Variants in RBM6 observed in about 807,000 individuals in gnomAD.
RBM6 encodes RNA binding motif protein 6, also known as RNA-binding protein 6.
RBM6 carries 23 observed loss-of-function variants against 140.4 expected under a neutral mutation model. That is an observed-to-expected ratio of 0.16 (90% CI 0.12 to 0.23). The LOEUF (loss-of-function observed/expected upper bound fraction) is 0.23, where lower values mean the gene tolerates loss of function less well. Ranked by LOEUF, RBM6 falls within the 10% of genes least tolerant of loss-of-function variation. The probability of loss-of-function intolerance (pLI) is 1.00; values close to 1 mark genes in which losing one functional copy is unlikely to be tolerated. For missense variants in RBM6, 1,139 were observed against 1,386.7 expected, an observed-to-expected ratio of 0.82 and a Z score of 2.84; for synonymous variants, 439 against 475.6, an observed-to-expected ratio of 0.92 and a Z score of 1.00.
intron 11 of RBM6, chr3:50,060,685 C>T (rs992582708): frequency 8.9e-5 from 20 of 225,824 alleles, no homozygotes; most frequent in South Asian, 4.1e-4. Context: ...ACCCAGGAGG[C>T]GGAGCTTGCA....
chr3:49,974,879 G>T (rs923562275), intron 4 of RBM6, among the ~76,000 whole-genome samples: 4 of 151,142 alleles, frequency 2.6e-5, no homozygotes, highest in African/African-American at 9.7e-5. Context: ...TAGAAATGGG[G>T]TTTCACCATG....
intron 2 of RBM6, among the ~76,000 whole-genome samples, chr3:49,963,419 A>T (rs1157141011): frequency 1.3e-5 from 2 of 152,012 alleles, no homozygotes; most frequent in African/African-American, 4.8e-5. Flanking sequence ...TTTTAATATT[A>T]AAAAATACCC....
At chr3:50,070,352 C>T (rs1234831874) in intron 18 of RBM6, 103 bp from the exon 19 acceptor site, 3 of 868,036 alleles carry the variant, frequency 3.5e-6, no homozygotes, top group Non-Finnish European at 3.8e-6. Context: ...GAGACTCTGT[C>T]TCAAGAAAAA....
chr3:50,032,706 G>A (rs1351929725), intron 6 of RBM6, among the ~76,000 whole-genome samples: 2 of 152,050 alleles, frequency 1.3e-5, no homozygotes, highest in Non-Finnish European at 2.9e-5. Context: ...GAGACAGGGG[G>A]CCGGGCACGG....
intron 6 of RBM6, among the ~76,000 whole-genome samples, chr3:50,006,892 A>G (rs2086605699): frequency 6.7e-6 from 1 of 150,308 alleles, no homozygotes; most frequent in Admixed American, 6.7e-5. Context: ...AGATCGCACC[A>G]CTGCACTCCA....
At chr3:50,011,835 C>CT (rs1464038088) in intron 6 of RBM6, among the ~76,000 whole-genome samples, 1 of 144,900 alleles carries the variant, frequency 6.9e-6, no homozygotes, top group Non-Finnish European at 1.5e-5. Context: ...TTTTTCTTTT[C>CT]TTTCTTTTTT....
At chr3:50,050,999 A>G (rs2089442735) in intron 7 of RBM6, among the ~76,000 whole-genome samples, 2 of 151,982 alleles carry the variant, frequency 1.3e-5, no homozygotes, top group Admixed American at 6.6e-5. Context: ...AATATTTTCT[A>G]TGTGTTATCT....
At chr3:50,027,540 CTGTCTCTATAGATT>C (rs1485103592) in intron 6 of RBM6, among the ~76,000 whole-genome samples, 1 of 152,196 alleles carries the variant, frequency 6.6e-6, no homozygotes, top group Non-Finnish European at 1.5e-5. Context: ...AGTCGGCTTT[CTGTCTCTATAGATT>C]TGCCTGCTCT....
intron 19 of RBM6, among the ~76,000 whole-genome samples, chr3:50,073,257 T>C (rs1297289219): frequency 6.6e-6 from 1 of 152,158 alleles, no homozygotes; most frequent in African/African-American, 2.4e-5. Context: ...ACTGGGTAAT[T>C]TATAATGAAC....
At chr3:49,980,833 C>A (rs902740460) in intron 5 of RBM6, among the ~76,000 whole-genome samples, 4 of 150,670 alleles carry the variant, frequency 2.7e-5, no homozygotes, top group Non-Finnish European at 5.9e-5. Context: ...ATTATTATTG[C>A]AATTTTTTTG....
chr3:50,017,430 C>T (rs1212403782), intron 6 of RBM6, among the ~76,000 whole-genome samples: 4 of 151,828 alleles, frequency 2.6e-5, no homozygotes, highest in African/African-American at 4.8e-5. Context: ...TGGTGGTGGG[C>T]GCCTGAAGTC....
intron 1 of RBM6, among the ~76,000 whole-genome samples, chr3:49,947,891 C>G (rs1042626927): frequency 1.3e-5 from 2 of 152,146 alleles, no homozygotes; most frequent in African/African-American, 4.8e-5. Context: ...GACTAAAGTT[C>G]AAGACTAGCC....
chr3:50,076,771 A>G (rs2090473604), intron 20 of RBM6, among the ~76,000 whole-genome samples: 1 of 151,864 alleles, frequency 6.6e-6, no homozygotes, highest in African/African-American at 2.4e-5. Context: ...CTGTAGTCCC[A>G]GCTACTCAGA....
intron 6 of RBM6, chr3:50,047,064 G>A (rs1341388327): frequency 3.6e-6 from 2 of 561,104 alleles, no homozygotes; most frequent in African/African-American, 4.1e-5. Flanking sequence ...CAGACCAGAT[G>A]CTAAGACCTA....
intron 6 of RBM6, among the ~76,000 whole-genome samples, chr3:50,026,971 A>G (rs1009295025): frequency 1.3e-5 from 2 of 151,912 alleles, no homozygotes; most frequent in South Asian, 2.1e-4. Flanking sequence ...TCGCATCCCT[A>G]AAAGTTTATT....
chr3:50,009,474 C>A (rs995784634), intron 6 of RBM6, among the ~76,000 whole-genome samples: 3 of 152,198 alleles, frequency 2.0e-5, no homozygotes, highest in Non-Finnish European at 4.4e-5. Flanking sequence ...TGTTGTCATT[C>A]ATCCTCTAGT....
chr3:49,972,017 G>A, intron 3 of RBM6, 42 bp from the exon 4 acceptor site: 1 of 1,424,292 alleles, frequency 7.0e-7, no homozygotes, highest in South Asian at 1.2e-5. Flanking sequence ...GTTTTGTGCA[G>A]TAAAGTATAT....
intron 6 of RBM6, among the ~76,000 whole-genome samples, chr3:50,030,989 A>T (rs565737381): frequency 6.6e-6 from 1 of 152,332 alleles, no homozygotes; most frequent in Admixed American, 6.5e-5. Context: ...ACCATCAGAG[A>T]AATGCAAATC....
intron 6 of RBM6, among the ~76,000 whole-genome samples, chr3:50,037,359 C>T (rs1031762458): frequency 3.3e-5 from 5 of 152,142 alleles, no homozygotes; most frequent in Non-Finnish European, 5.9e-5. Context: ...TATGATCATA[C>T]AACACCAGTG....
Sources: gnomAD v4.1 joint callset for allele counts (sites outside exome capture counted in the v4.1 genomes callset) on GRCh38, gnomAD v4.1.1 for gene constraint, MANE v1.5 for transcripts, NCBI Gene and HGNC (gene_info 2026-07-23, HGNC 2026-07-21) for gene names.